The following HS3ST4 variants were observed in gnomAD, a reference collection of about 807,000 sequenced individuals.
HS3ST4 encodes heparan sulfate-glucosamine 3-sulfotransferase 4.
Under a neutral mutation model 29.2 loss-of-function variants are expected in HS3ST4, and 17 were observed. That is an observed-to-expected ratio of 0.58 (90% confidence interval 0.40 to 0.87). The LOEUF (loss-of-function observed/expected upper bound fraction) is 0.87, where lower values mean the gene tolerates loss of function less well. HS3ST4 is among the 40% of genes least tolerant of loss of function. The probability of loss-of-function intolerance (pLI) is 0.00; values close to 1 mark genes in which losing one functional copy is unlikely to be tolerated. For missense variants in HS3ST4, 627 were observed against 634.5 expected (o/e 0.99, Z 0.13); for synonymous variants, 314 against 285.7 (o/e 1.10, Z -1.00).
chr16:26,013,791 T>C (rs866819457), intron 1 of HS3ST4, among the ~76,000 whole-genome samples: 1 of 151,930 alleles, frequency 6.6e-6, no homozygotes, highest in Non-Finnish European at 1.5e-5. Context: ...GGGCAGATCA[T>C]GAGGTCAGGA....
chr16:26,091,622 C>T (rs1029673821), intron 1 of HS3ST4, among the ~76,000 whole-genome samples: 2 of 152,012 alleles, frequency 1.3e-5, no homozygotes, highest in Non-Finnish European at 2.9e-5. Flanking sequence ...AAAGTGCAAC[C>T]AAGCCATATA....
intron 1 of HS3ST4, among the ~76,000 whole-genome samples, chr16:25,735,156 A>G (rs1966598795): frequency 6.6e-6 from 1 of 152,186 alleles, no homozygotes. Flanking sequence ...TACCTGCCTG[A>G]ATGTGTAGGC....
intron 1 of HS3ST4, among the ~76,000 whole-genome samples, chr16:25,917,598 T>C (rs1163978216): frequency 6.6e-6 from 1 of 152,178 alleles, no homozygotes. Flanking sequence ...GTTTTTCTAT[T>C]GTATGTGTGT....
chr16:26,091,518 G>A (rs1490158903), intron 1 of HS3ST4, among the ~76,000 whole-genome samples: 1 of 152,064 alleles, frequency 6.6e-6, no homozygotes, highest in Non-Finnish European at 1.5e-5. Context: ...ACGTCCTTGG[G>A]CATTGATTTC....
intron 1 of HS3ST4, among the ~76,000 whole-genome samples, chr16:25,903,237 G>A (rs1968136263): frequency 6.7e-6 from 1 of 148,684 alleles, no homozygotes; most frequent in East Asian, 2.0e-4. Flanking sequence ...CTTAGGATAA[G>A]AACTGAAGTT....
intron 1 of HS3ST4, among the ~76,000 whole-genome samples, chr16:25,775,699 T>C (rs1413139955): frequency 6.6e-6 from 1 of 152,242 alleles, no homozygotes; most frequent in Non-Finnish European, 1.5e-5. Flanking sequence ...TCTTTGCCAA[T>C]GGCAAACTCC....
chr16:25,699,711 G>A (rs1245620763), intron 1 of HS3ST4, among the ~76,000 whole-genome samples: 3 of 152,178 alleles, frequency 2.0e-5, no homozygotes, highest in Non-Finnish European at 4.4e-5. Context: ...TCTTCAGAAA[G>A]AGGAAGCTGT....
intron 1 of HS3ST4, among the ~76,000 whole-genome samples, chr16:25,797,679 G>A (rs1487156817): frequency 6.6e-6 from 1 of 152,292 alleles, no homozygotes. Context: ...AGGTCCAAAA[G>A]TACTGCTCAT....
intron 1 of HS3ST4, among the ~76,000 whole-genome samples, chr16:25,761,558 T>C (rs1275618324): frequency 6.6e-6 from 1 of 152,212 alleles, no homozygotes; most frequent in Non-Finnish European, 1.5e-5. Context: ...GAGTTGACTT[T>C]GTTGGATGGA....
At chr16:26,111,700 A>G (rs975187650) in intron 1 of HS3ST4, among the ~76,000 whole-genome samples, 2 of 152,086 alleles carry the variant, frequency 1.3e-5, no homozygotes, top group Non-Finnish European at 2.9e-5. Context: ...TTTAATACAT[A>G]TTTTATAATG....
At chr16:25,700,333 G>T (rs1031916456) in intron 1 of HS3ST4, among the ~76,000 whole-genome samples, 1 of 152,126 alleles carries the variant, frequency 6.6e-6, no homozygotes, top group Non-Finnish European at 1.5e-5. Flanking sequence ...CACTTGCCCC[G>T]GGTAAGTTCA....
chr16:26,011,181 A>G (rs892325563), intron 1 of HS3ST4, among the ~76,000 whole-genome samples: 1 of 152,254 alleles, frequency 6.6e-6, no homozygotes, highest in Non-Finnish European at 1.5e-5. Context: ...CCAGGGGCCA[A>G]GCCAGTAAGA....
intron 1 of HS3ST4, among the ~76,000 whole-genome samples, chr16:25,724,354 G>A (rs1274906712): frequency 7.7e-6 from 1 of 130,414 alleles, no homozygotes; most frequent in African/African-American, 2.7e-5. Flanking sequence ...CCATACTAAA[G>A]CTCCCCTCAA....
At chr16:26,087,133 A>T (rs7197687) in intron 1 of HS3ST4, among the ~76,000 whole-genome samples, 69,402 of 152,112 alleles carry the variant, frequency 0.46, 16,173 homozygotes, top group Middle Eastern at 0.57. Context: ...CTGGAAGAGG[A>T]ATGGTAATTA....
At chr16:25,864,918 C>A (rs1373842579) in intron 1 of HS3ST4, among the ~76,000 whole-genome samples, 7 of 148,984 alleles carry the variant, frequency 4.7e-5, no homozygotes, top group African/African-American at 1.5e-4. Flanking sequence ...TACACACACA[C>A]AATGGAATAT....
At chr16:25,788,540 C>CTTTTTTTTTTTTTTTTTTTTTTTTTTT (rs34729954) in intron 1 of HS3ST4, among the ~76,000 whole-genome samples, 1 of 99,070 alleles carries the variant, frequency 1.0e-5, no homozygotes, top group Non-Finnish European at 1.9e-5. Flanking sequence ...TTCTTTTCTT[C>CTTTTTTTTTTTTTTTTTTTTTTTTTTT]TTTCTTTTTT....
intron 1 of HS3ST4, among the ~76,000 whole-genome samples, chr16:26,006,300 GAAAAAAAAAAAAA>G (rs11461863): frequency 2.9e-5 from 2 of 68,670 alleles, no homozygotes; most frequent in African/African-American, 1.2e-4. Flanking sequence ...CTCTGTTTCA[GAAAAAAAAAAAAA>G]AAAAAAAAAA....
intron 1 of HS3ST4, among the ~76,000 whole-genome samples, chr16:26,001,170 T>C (rs2141733746): frequency 6.6e-6 from 1 of 152,258 alleles, no homozygotes; most frequent in East Asian, 1.9e-4. Context: ...GGACAGTAAA[T>C]TAGACAAAAA....
intron 1 of HS3ST4, among the ~76,000 whole-genome samples, chr16:25,914,619 G>T (rs1019188212): frequency 7.4e-5 from 11 of 149,276 alleles, no homozygotes; most frequent in Non-Finnish European, 1.5e-4. Flanking sequence ...GGGTGTGTGG[G>T]GTGTGTGTGG....
Sources: allele counts gnomAD v4.1 joint callset (sites outside exome capture counted in the v4.1 genomes callset), GRCh38; gene constraint gnomAD v4.1.1; transcripts MANE v1.5; gene names NCBI Gene and HGNC (gene_info 2026-07-23, HGNC 2026-07-21).